FBXO34: variants seen among roughly 807,000 people sequenced by gnomAD.
FBXO34 encodes the protein F-box protein 34.
A neutral mutation model predicts 24.5 loss-of-function variants in FBXO34; 12 were observed. The ratio of observed to expected loss-of-function variants is 0.49; its 90% CI spans 0.31 to 0.79. The LOEUF is 0.79. Among genes scored for constraint, FBXO34 ranks in the 30% least tolerant of loss-of-function variants. The pLI is 0.04. For missense variants in FBXO34, 823 were observed against 857.7 expected, an observed-to-expected ratio of 0.96 and a Z score of 0.51; for synonymous variants, 320 against 311.9, an observed-to-expected ratio of 1.03 and a Z score of -0.27.
At chr14:55,385,647 G>C in the FBXO34 span, among the ~76,000 whole-genome samples, 1 of 152,182 alleles carries the variant, frequency 6.6e-6, no homozygotes, top group Non-Finnish European at 1.5e-5. Context: ...GAAGCTCTAG[G>C]ACAGTACACA....
intron 1 of FBXO34, among the ~76,000 whole-genome samples, chr14:55,323,468 C>T (rs75117746): frequency 0.058 from 8,777 of 151,070 alleles, 324 homozygotes; most frequent in South Asian, 0.088. Flanking sequence ...CTGCGGTCTT[C>T]GAGTCTGTGA....
chr14:55,394,254 C>T, the FBXO34 span, among the ~76,000 whole-genome samples: 2 of 151,922 alleles, frequency 1.3e-5, no homozygotes, highest in Admixed American at 6.5e-5. Flanking sequence ...ATCCACTTGC[C>T]TCAGCCTCCC....
At chr14:55,283,083 C>T (rs1440921880) in intron 1 of FBXO34, among the ~76,000 whole-genome samples, 1 of 152,164 alleles carries the variant, frequency 6.6e-6, no homozygotes, top group Non-Finnish European at 1.5e-5. Context: ...AGGCTGTCTT[C>T]TTTCTTGGAT....
At chr14:55,356,355 C>T (rs73265861), downstream of FBXO34, among the ~76,000 whole-genome samples, 1,419 of 152,334 alleles carry the variant, frequency 9.3e-3, 31 homozygotes, top group African/African-American at 0.033. Context: ...CCAATGAGAG[C>T]TGATGTTATC....
chr14:55,322,278 C>G (rs976871122), intron 1 of FBXO34, among the ~76,000 whole-genome samples: 5 of 150,216 alleles, frequency 3.3e-5, no homozygotes, highest in Admixed American at 6.6e-5. Flanking sequence ...CCACTGCACT[C>G]CAGCCTGGGC....
the FBXO34 span, among the ~76,000 whole-genome samples, chr14:55,414,803 CT>C: frequency 2.0e-5 from 3 of 152,176 alleles, no homozygotes; most frequent in South Asian, 6.2e-4. Flanking sequence ...AAAGGGACTT[CT>C]TTTGATCCAC....
At chr14:55,417,499 G>C in the FBXO34 span, among the ~76,000 whole-genome samples, 1 of 147,666 alleles carries the variant, frequency 6.8e-6, no homozygotes, top group Non-Finnish European at 1.5e-5. Context: ...GGTCACCCAG[G>C]CTGGAGTGCT....
intron 1 of FBXO34, among the ~76,000 whole-genome samples, chr14:55,343,132 G>C (rs1884045080): frequency 6.6e-6 from 1 of 151,824 alleles, no homozygotes; most frequent in African/African-American, 2.4e-5. Context: ...AGCTTTTACA[G>C]TTTTTAAGAC....
rs530974020 is a variant in FBXO34, at chr14:55,359,019, A to T, written c.*589-2714A>T. Among the ~76,000 whole-genome samples the T allele has an allele frequency of 5.3e-5, 8 of 152,118 alleles. No individual in the cohort carries two copies. The South Asian group carries it at 1.5e-3, about 28-fold the overall frequency. On this transcript the variant is annotated intron_variant and NMD_transcript_variant, in intron 3 of 3. Coordinates refer to the FBXO34 transcript ENST00000555280. ...AGACATGGCAGGGAAGGAGCCAGGGAATGAACACCTTGAGCCTCAAAGGGC... is the reference window on the plus strand; with the variant it reads ...AGACATGGCAGGGAAGGAGCCAGGGTATGAACACCTTGAGCCTCAAAGGGC...
chr14:55,314,432 A>C (rs1191222824), intron 1 of FBXO34, among the ~76,000 whole-genome samples: 1 of 152,066 alleles, frequency 6.6e-6, no homozygotes, highest in Non-Finnish European at 1.5e-5. Context: ...CTACTGAGCT[A>C]CCTCCCAGAA....
chr14:55,431,696 G>C, the FBXO34 span, among the ~76,000 whole-genome samples: 4 of 152,204 alleles, frequency 2.6e-5, no homozygotes, highest in Admixed American at 2.6e-4. Flanking sequence ...GGGAAATGTA[G>C]TAACAATGGA....
chr14:55,355,579 C>T (rs1884510449), downstream of FBXO34, among the ~76,000 whole-genome samples: 1 of 152,144 alleles, frequency 6.6e-6, no homozygotes. Context: ...ACAAGCATAA[C>T]AACTGTTTAC....
intron 1 of FBXO34, among the ~76,000 whole-genome samples, chr14:55,311,206 A>C (rs546962317): frequency 1.3e-5 from 2 of 152,324 alleles, no homozygotes; most frequent in Admixed American, 1.3e-4. Context: ...AGGAGGGAGA[A>C]GGAACACAGG....
the FBXO34 span, among the ~76,000 whole-genome samples, chr14:55,424,932 A>G: frequency 6.6e-6 from 1 of 152,192 alleles, no homozygotes; most frequent in African/African-American, 2.4e-5. Flanking sequence ...GAACCTACCA[A>G]AAAGAAGTCA....
At chr14:55,288,241 T>C (rs989485136) in intron 1 of FBXO34, among the ~76,000 whole-genome samples, 1 of 152,226 alleles carries the variant, frequency 6.6e-6, no homozygotes, top group Admixed American at 6.6e-5. Context: ...AACAAGGTTT[T>C]CCAAAAGGAA....
intron 1 of FBXO34, among the ~76,000 whole-genome samples, chr14:55,293,265 G>A (rs1397140816): frequency 2.0e-5 from 3 of 151,662 alleles, no homozygotes; most frequent in Admixed American, 6.6e-5. Flanking sequence ...TGCAGGCTCC[G>A]CTGCTGGTTT....
At chr14:55,441,092 C>T in the FBXO34 span, among the ~76,000 whole-genome samples, 2 of 152,100 alleles carry the variant, frequency 1.3e-5, no homozygotes, top group Non-Finnish European at 2.9e-5. Flanking sequence ...GTGATCCACC[C>T]GCCTCGGCCT....
intron 1 of FBXO34, among the ~76,000 whole-genome samples, chr14:55,313,498 C>G (rs933582683): frequency 2.6e-5 from 4 of 152,172 alleles, no homozygotes; most frequent in Non-Finnish European, 5.9e-5. Flanking sequence ...CGGTGCCCCA[C>G]TCTTGATATC....
chr14:55,428,255 G>A, the FBXO34 span, among the ~76,000 whole-genome samples: 5 of 148,800 alleles, frequency 3.4e-5, no homozygotes, highest in Admixed American at 6.9e-5. Context: ...TCAGCCTCCC[G>A]AGTAGCTGGG....
Sources: allele counts gnomAD v4.1 joint callset (sites outside exome capture counted in the v4.1 genomes callset), GRCh38; gene constraint gnomAD v4.1.1; transcripts MANE v1.5; gene names NCBI Gene and HGNC (gene_info 2026-07-23, HGNC 2026-07-21).